ADAD1: variants seen among roughly 807,000 people sequenced by gnomAD.
The protein encoded by ADAD1 is adenosine deaminase domain-containing protein 1.
ADAD1 carries 46 observed loss-of-function variants against 66.8 expected under a neutral mutation model. That is an observed-to-expected ratio of 0.69 (90% CI 0.54 to 0.88). ADAD1 has a LOEUF of 0.88. Among genes scored for constraint, ADAD1 ranks in the 40% least tolerant of loss-of-function variants. The pLI is 0.00. For synonymous variants in ADAD1, 248 were observed against 229.4 expected, an observed-to-expected ratio of 1.08 and a Z score of -0.73; for missense variants, 617 against 681.8, an observed-to-expected ratio of 0.91 and a Z score of 1.06.
chr4:122,388,823 C>G (rs1226446956), intron 5 of ADAD1, among the ~76,000 whole-genome samples: 2 of 152,056 alleles, frequency 1.3e-5, no homozygotes, highest in Non-Finnish European at 2.9e-5. Flanking sequence ...AAAACAGCTT[C>G]TGGATTCGAT....
chr4:122,417,480 T>C (rs1381908407), intron 11 of ADAD1, among the ~76,000 whole-genome samples: 1 of 151,962 alleles, frequency 6.6e-6, no homozygotes, highest in Non-Finnish European at 1.5e-5. Flanking sequence ...CAGTTAAGAA[T>C]GTTTATGCAG....
chr4:122,405,879 G>A (rs1346854376), intron 7 of ADAD1, among the ~76,000 whole-genome samples: 1 of 152,088 alleles, frequency 6.6e-6, no homozygotes, highest in Non-Finnish European at 1.5e-5. Context: ...ATGTCTTCCA[G>A]GTTCATTCAT....
intron 7 of ADAD1, among the ~76,000 whole-genome samples, chr4:122,400,732 G>A (rs565428154): frequency 6.6e-6 from 1 of 152,146 alleles, no homozygotes; most frequent in East Asian, 1.9e-4. Context: ...AATCTAGGAG[G>A]GTTGTCTGTT....
intron 7 of ADAD1, among the ~76,000 whole-genome samples, chr4:122,398,797 C>T (rs560082850): frequency 6.6e-6 from 1 of 151,712 alleles, no homozygotes; most frequent in African/African-American, 2.4e-5. Context: ...CTATTCATGT[C>T]CTTAGCCCAT....
chr4:122,417,572 A>G (rs1199251330), intron 11 of ADAD1, among the ~76,000 whole-genome samples: 3 of 152,150 alleles, frequency 2.0e-5, no homozygotes, highest in Non-Finnish European at 4.4e-5. Context: ...GCTAATAGAG[A>G]CAACAATTCA....
At chr4:122,416,307 TAAGTAA>T (rs1048041120) in intron 11 of ADAD1, among the ~76,000 whole-genome samples, 3 of 152,242 alleles carry the variant, frequency 2.0e-5, no homozygotes, top group African/African-American at 4.8e-5. Flanking sequence ...CATTGATTAT[TAAGTAA>T]AAGTAAAACT....
At chr4:122,426,126 CAG>C (rs1797223379) in intron 12 of ADAD1, among the ~76,000 whole-genome samples, 1 of 151,848 alleles carries the variant, frequency 6.6e-6, no homozygotes, top group Non-Finnish European at 1.5e-5. Context: ...AAAAAAATAA[CAG>C]ATAACACAAA....
intron 10 of ADAD1, among the ~76,000 whole-genome samples, chr4:122,413,230 T>C (rs766815501): frequency 5.9e-5 from 9 of 152,180 alleles, no homozygotes; most frequent in Non-Finnish European, 1.3e-4. Context: ...AATTGTTTTC[T>C]GTACCCCAAC....
chr4:122,405,075 C>G (rs1027402783), intron 7 of ADAD1, among the ~76,000 whole-genome samples: 1 of 152,136 alleles, frequency 6.6e-6, no homozygotes, highest in African/African-American at 2.4e-5. Flanking sequence ...TATCACCATT[C>G]CGGAACTTAT....
chr4:122,390,425 T>A (rs903321371), intron 5 of ADAD1, among the ~76,000 whole-genome samples: 1 of 152,206 alleles, frequency 6.6e-6, no homozygotes, highest in Non-Finnish European at 1.5e-5. Context: ...GTTGTGGAAG[T>A]TCTCCTGGAT....
At chr4:122,392,104 C>G (rs1354960841) in intron 5 of ADAD1, among the ~76,000 whole-genome samples, 1 of 152,156 alleles carries the variant, frequency 6.6e-6, no homozygotes, top group Non-Finnish European at 1.5e-5. Flanking sequence ...GATTTAATAT[C>G]TTTAATTTTC....
At chr4:122,420,505 T>C (rs1796953496) in intron 11 of ADAD1, among the ~76,000 whole-genome samples, 1 of 152,194 alleles carries the variant, frequency 6.6e-6, no homozygotes, top group African/African-American at 2.4e-5. Flanking sequence ...GTCTATTGTG[T>C]TTGCTAAAAC....
At chr4:122,381,234 A>G (rs906130648) in intron 4 of ADAD1, 54 bp downstream of exon 4, 4 of 1,463,594 alleles carry the variant, frequency 2.7e-6, no homozygotes, top group Non-Finnish European at 3.6e-6. Context: ...ATAGCAAAAT[A>G]ATTGTGCTAA....
At chr4:122,388,366 A>T (rs966106242) in intron 5 of ADAD1, among the ~76,000 whole-genome samples, 6 of 152,112 alleles carry the variant, frequency 3.9e-5, no homozygotes, top group Non-Finnish European at 1.5e-5. Context: ...TAGTATCAGG[A>T]TGATGCTGGC....
chr4:122,428,455 A>G (rs1388634930), intron 12 of ADAD1, among the ~76,000 whole-genome samples: 2 of 152,220 alleles, frequency 1.3e-5, no homozygotes, highest in African/African-American at 4.8e-5. Context: ...GCATGTTTAT[A>G]ATAGCATTAT....
chr4:122,399,744 T>C (rs1395794840), intron 7 of ADAD1, among the ~76,000 whole-genome samples: 3 of 150,290 alleles, frequency 2.0e-5, no homozygotes, highest in African/African-American at 7.3e-5. Flanking sequence ...TCTTTTCTTT[T>C]TTTTTTTTTT....
intron 4 of ADAD1, among the ~76,000 whole-genome samples, chr4:122,382,978 A>G (rs888366565): frequency 2.6e-5 from 4 of 152,214 alleles, no homozygotes; most frequent in Non-Finnish European, 5.9e-5. Context: ...TATGTGTGGC[A>G]GCATTGTATG....
chr4:122,393,908 C>T (rs1419779491), intron 6 of ADAD1, among the ~76,000 whole-genome samples: 4 of 151,964 alleles, frequency 2.6e-5, no homozygotes, highest in African/African-American at 9.7e-5. Flanking sequence ...TTTCATACAT[C>T]TTTTTTAGAA....
chr4:122,427,628 G>A (rs531205053), intron 12 of ADAD1, among the ~76,000 whole-genome samples: 3 of 136,222 alleles, frequency 2.2e-5, no homozygotes, highest in African/African-American at 8.3e-5. Flanking sequence ...TCTGCCTTCT[G>A]GGTTCAAGTG....
Sources: gnomAD v4.1 joint callset for allele counts (sites outside exome capture counted in the v4.1 genomes callset) on GRCh38, gnomAD v4.1.1 for gene constraint, MANE v1.5 for transcripts, NCBI Gene and HGNC (gene_info 2026-07-23, HGNC 2026-07-21) for gene names.